Variants in CNTNAP2 observed in about 807,000 individuals in gnomAD.
CNTNAP2 encodes the protein contactin-associated protein-like 2.
Under a neutral mutation model 155.2 loss-of-function variants are expected in CNTNAP2, and 98 were observed. That is an observed-to-expected ratio of 0.63 (90% CI 0.54 to 0.75). The LOEUF is 0.75. CNTNAP2 is among the 30% of genes least tolerant of loss of function. The pLI, the probability that CNTNAP2 is intolerant of heterozygous loss-of-function variation, is 0.00. For missense variants in CNTNAP2, 1,727 were observed against 1,688.1 expected, an observed-to-expected ratio of 1.02 and a Z score of -0.40; for synonymous variants, 651 against 631.2, an observed-to-expected ratio of 1.03 and a Z score of -0.47.
rs867232321 is a variant in CNTNAP2 at position 146,823,244 on chromosome 7, A to C, written c.209-16467A>C. 9.0e-4 allele frequency among the ~76,000 whole-genome samples: 129 copies of C among 143,190 alleles called. 3 individuals are homozygous for C. The highest frequency in any genetic ancestry group is 2.2e-3 in the African/African-American group (80 of 35,618). The allele number at this position is 143,190 out of a possible 152,430, so 93.9% of individuals were successfully genotyped here. ...GTATACTCATTCTTCAGTATATTTA[A>C]ATGTAAATATACTCATTCTTCAGTA... On this transcript the variant is annotated intron_variant, in intron 2 of 23. Coordinates refer to ENST00000361727, the MANE Select transcript of CNTNAP2 (RefSeq NM_014141.6).
intron 3 of CNTNAP2, among the ~76,000 whole-genome samples, chr7:146,994,727 G>A (rs1192376715): frequency 6.6e-6 from 1 of 151,970 alleles, no homozygotes; most frequent in Non-Finnish European, 1.5e-5. Context: ...TCACACACAT[G>A]GGTGTTAATG....
intron 8 of CNTNAP2, among the ~76,000 whole-genome samples, chr7:147,143,569 T>A (rs1430459810): frequency 6.6e-6 from 1 of 152,146 alleles, no homozygotes; most frequent in Non-Finnish European, 1.5e-5. Context: ...TCCAGTTGAT[T>A]GATTTTTTTA....
At chr7:146,922,128 A>G (rs1796512821) in intron 3 of CNTNAP2, among the ~76,000 whole-genome samples, 2 of 152,146 alleles carry the variant, frequency 1.3e-5, no homozygotes, top group Non-Finnish European at 2.9e-5. Flanking sequence ...AATCATTTTA[A>G]AATCATACAC....
In CNTNAP2 at chr7:147,286,092, T is replaced by C. The variant is rs534819707; in HGVS notation, c.1349-14049T>C. Among the ~76,000 whole-genome samples the C allele has an allele frequency of 1.7e-4, 26 of 152,196 alleles. 1 individual carries two copies. The South Asian group carries it at 5.0e-3, about 29-fold the overall frequency. On this transcript the variant is annotated intron_variant, in intron 8 of 23. Coordinates refer to ENST00000361727, the MANE Select transcript of CNTNAP2 (RefSeq NM_014141.6). The stretch of plus-strand genomic sequence containing the variant: ...GGAATCATCAGATTTATTTTTATAT[T>C]GTCTACAATGTGTCAAATAGATATA...
At chr7:147,425,268 T>TA (rs5888255) in intron 10 of CNTNAP2, among the ~76,000 whole-genome samples, 6 of 147,686 alleles carry the variant, frequency 4.1e-5, no homozygotes, top group African/African-American at 1.2e-4. Context: ...CCATTGCCTT[T>TA]AAAAAAAAAA....
intron 13 of CNTNAP2, among the ~76,000 whole-genome samples, chr7:147,853,009 G>A (rs1242661831): frequency 2.0e-5 from 3 of 152,160 alleles, no homozygotes; most frequent in Admixed American, 2.0e-4. Flanking sequence ...TACTTCATGT[G>A]TCACATTTAA....
intron 15 of CNTNAP2, among the ~76,000 whole-genome samples, chr7:148,032,912 A>T (rs117218405): frequency 0.011 from 1,707 of 152,238 alleles, 17 homozygotes; most frequent in Non-Finnish European, 0.019. Context: ...CATTTATATC[A>T]TATCATTTTG....
At chr7:147,291,578 G>T (rs1223624156) in intron 8 of CNTNAP2, among the ~76,000 whole-genome samples, 1 of 151,958 alleles carries the variant, frequency 6.6e-6, no homozygotes, top group Non-Finnish European at 1.5e-5. Flanking sequence ...ATTTGCAACT[G>T]TCATGAATAA....
chr7:148,266,506 C>T lies in CNTNAP2; in HGVS notation c.3382-527C>T, dbSNP rs112255587. Among the ~76,000 whole-genome samples, 401 of 152,278 alleles carry T rather than the reference C, an allele frequency of 2.6e-3. 4 individuals carry two copies. Among genetic ancestry groups the T allele is most frequent in the African/African-American group, 9.2e-3 (384 of 41,568 alleles). ...CATTTCTCTCCCTCTGCTGCCAACT[C>T]GCCCAACCACCCCTGCCTGTGGCAG... On this transcript the variant is annotated intron_variant, in intron 20 of 23. Coordinates refer to ENST00000361727, the MANE Select transcript of CNTNAP2 (RefSeq NM_014141.6).
At chr7:147,453,933 A>C (rs1167127964) in intron 10 of CNTNAP2, among the ~76,000 whole-genome samples, 1 of 152,186 alleles carries the variant, frequency 6.6e-6, no homozygotes, top group Non-Finnish European at 1.5e-5. Flanking sequence ...AATTTGTGTT[A>C]ATTTATGAAA....
At chr7:148,118,735 A>G (rs1488852962) in intron 16 of CNTNAP2, among the ~76,000 whole-genome samples, 3 of 152,210 alleles carry the variant, frequency 2.0e-5, no homozygotes, top group Non-Finnish European at 1.5e-5. Context: ...GAGGCCACGG[A>G]GACCACAGGA....
chr7:147,547,206 T>C (rs1212205186), intron 11 of CNTNAP2, among the ~76,000 whole-genome samples: 1 of 152,182 alleles, frequency 6.6e-6, no homozygotes, highest in Non-Finnish European at 1.5e-5. Context: ...GCAGAATAAG[T>C]GATAATCCCT....
At chr7:146,295,484 T>A (rs1280599498) in intron 1 of CNTNAP2, among the ~76,000 whole-genome samples, 1 of 152,128 alleles carries the variant, frequency 6.6e-6, no homozygotes, top group Non-Finnish European at 1.5e-5. Flanking sequence ...AGATTGAGAA[T>A]TGTTCTCCCA....
chr7:148,412,533 A>G (rs747110153), intron 23 of CNTNAP2, among the ~76,000 whole-genome samples: 6 of 152,224 alleles, frequency 3.9e-5, no homozygotes, highest in Admixed American at 6.5e-5. Flanking sequence ...AGTATAATTG[A>G]TCTTTTATAT....
intron 1 of CNTNAP2, among the ~76,000 whole-genome samples, chr7:146,409,023 T>G (rs1237702822): frequency 1.3e-5 from 2 of 152,128 alleles, no homozygotes; most frequent in African/African-American, 4.8e-5. Context: ...ATCTAATCCT[T>G]GCAACGATCC....
intron 1 of CNTNAP2, among the ~76,000 whole-genome samples, chr7:146,756,485 A>G (rs1371550545): frequency 6.6e-6 from 1 of 152,036 alleles, no homozygotes; most frequent in Admixed American, 6.6e-5. Flanking sequence ...TATGGTAGGT[A>G]TCTTTTCATA....
chr7:148,385,748 T>G (rs1799178772), intron 22 of CNTNAP2, among the ~76,000 whole-genome samples: 1 of 105,072 alleles, frequency 9.5e-6, no homozygotes, highest in Non-Finnish European at 2.2e-5. Flanking sequence ...TTTTTTTTTT[T>G]TTTTTTTTTT....
In CNTNAP2 at chr7:147,010,007, C is replaced by CTT. The variant is rs67223892; in HGVS notation, c.403-33881_403-33880dup. ...CACACCAGGCGTCTATATCTTGGTT[C>CTT]TTTTTTTTTTTTTTTTTTTTGAGAC... On this transcript the variant is annotated intron_variant, in intron 3 of 23. Transcript: ENST00000361727. Among the ~76,000 whole-genome samples, 450 of 123,686 alleles carry CTT rather than the reference C, an allele frequency of 3.6e-3. 8 individuals are homozygous for CTT. Among genetic ancestry groups the CTT allele is most frequent in the African/African-American group, 0.012 (387 of 33,292 alleles). 81.1% of individuals were successfully genotyped at this position (123,686 alleles called of 152,430 possible). A position where few individuals can be genotyped will look rare whatever the true frequency, so the allele number is the denominator to read the frequency against.
chr7:147,570,029 G>T (rs1021312007), intron 12 of CNTNAP2, among the ~76,000 whole-genome samples: 5 of 152,202 alleles, frequency 3.3e-5, no homozygotes. Flanking sequence ...CCAGCTCCCT[G>T]CCTTGTGGCT....
Sources: allele counts gnomAD v4.1 joint callset (sites outside exome capture counted in the v4.1 genomes callset), GRCh38; gene constraint gnomAD v4.1.1; transcripts MANE v1.5; gene names NCBI Gene and HGNC (gene_info 2026-07-23, HGNC 2026-07-21).